The following C7orf25 variants were observed in gnomAD, a reference collection of about 807,000 sequenced individuals.
C7orf25 encodes chromosome 7 open reading frame 25, also known as UPF0415 protein C7orf25.
A neutral mutation model predicts 25.5 loss-of-function variants in C7orf25; 14 were observed. The observed-to-expected ratio is 0.55, with a 90% CI of 0.36 to 0.86. C7orf25 has a LOEUF of 0.86. C7orf25 is among the 40% of genes least tolerant of loss of function. C7orf25 has a pLI of 0.01. For synonymous variants in C7orf25, 184 were observed against 179.9 expected (o/e 1.02, Z -0.18); for missense variants, 405 against 493.9 (o/e 0.82, Z 1.71).
intron 1 of C7orf25, chr7:42,911,420 C>T (rs1785891997): frequency 9.9e-7 from 1 of 1,012,824 alleles, no homozygotes; most frequent in Admixed American, 5.3e-5. Context: ...GAGTTGGTCT[C>T]CTTCAACCGG....
At chr7:42,911,071 C>T (rs1785883544) in intron 1 of C7orf25, 150 bp from the exon 2 acceptor site, 1 of 1,268,426 alleles carries the variant, frequency 7.9e-7, no homozygotes, top group Non-Finnish European at 1.1e-6. Flanking sequence ...TCTGGAGTGA[C>T]TGCTTCCTCT....
intron 1 of C7orf25, chr7:42,911,702 GCCCT>G: frequency 8.6e-7 from 1 of 1,168,882 alleles, no homozygotes; most frequent in Non-Finnish European, 1.1e-6. Flanking sequence ...GGGCTGCGGG[GCCCT>G]CGGCCCTGCC....
In C7orf25 at chr7:42,909,511, T is replaced by C; in HGVS notation, c.*124A>G. 1 of 1,000,552 alleles carries C rather than the reference T, an allele frequency of 1.0e-6. No homozygotes were observed. The highest frequency in any genetic ancestry group is 1.4e-6 in the Non-Finnish European group (1 of 692,746). 62.0% of individuals were successfully genotyped at this position (1,000,552 alleles called of 1,614,324 possible). A position where few individuals can be genotyped will look rare whatever the true frequency, so the allele number is the denominator to read the frequency against. ...TACTTTAGATGAGAGACAAAGAAAC[T>C]CTACTGGTTTAAGAGTTCTCAGTTT... On this transcript the variant is annotated 3_prime_UTR_variant, in exon 2 of 2. Coordinates refer to ENST00000350427, the MANE Select transcript of C7orf25 (RefSeq NM_001099858.2).
rs1386072873 is a variant in C7orf25 at position 42,910,202 on chromosome 7, A to G, written c.699T>C (p.Ser233=). The G allele has an allele frequency of 6.2e-7, 1 of 1,614,220 alleles. No individual in the cohort carries two copies. Among genetic ancestry groups the G allele is most frequent in the Non-Finnish European group, 8.5e-7 (1 of 1,180,040 alleles). The change falls in exon 2 of 2, where the codon AGT becomes AGC. Residue 233 remains serine, a synonymous_variant. Transcript: ENST00000350427. ...CCTTAATTTCTGTTGGAAACGCAAC[A>G]CTTGCTAGTATATTTTCTCGGTCAA... The part of the protein sequence containing the change: ...TRVDRENILA[S]VAFPTEIKVD...
In C7orf25 at chr7:42,909,728, A is replaced by G; in HGVS notation, c.1173T>C (p.Ser391=). ...GTGCTCTGGGCTGATGGATAAACAC[A>G]CTAAATTTAACACCCTGGTTGTTTG... ...RAANNQGVKF[S]VFIHQPRALT... Residue 391 remains serine, a synonymous_variant, in exon 2 of 2, where the codon AGT becomes AGC. Coordinates refer to ENST00000350427, the MANE Select transcript of C7orf25 (RefSeq NM_001099858.2). 1 of 1,614,190 alleles carries G rather than the reference A, an allele frequency of 6.2e-7. No homozygotes were observed. Among genetic ancestry groups the G allele is most frequent in the Non-Finnish European group, 8.5e-7 (1 of 1,180,044 alleles).
rs1296432162 is a variant in C7orf25, at chr7:42,910,307, CAG to C, written c.592_593del (p.Leu198ValfsTer5). ...VRGDIVAVNA[L>X]LDHPEELQPS... Reference sequence around the variant, plus strand: ...GTTGAAGCTCTTCAGGGTGATCTAACAGAGCGTTGACTGCTACTATGTCTCCT... The same window carrying C: ...GTTGAAGCTCTTCAGGGTGATCTAACAGCGTTGACTGCTACTATGTCTCCT... On this transcript the variant is annotated frameshift_variant, in exon 2 of 2. Transcript: ENST00000350427. LOFTEE classifies it high-confidence loss of function. 2 of 1,614,216 alleles carry C rather than the reference CAG, an allele frequency of 1.2e-6. No homozygotes were observed. The highest frequency in any genetic ancestry group is 8.5e-7 in the Non-Finnish European group (1 of 1,180,050).
chr7:42,909,444 A>G lies in C7orf25; in HGVS notation c.*191T>C, dbSNP rs1350935319. 1.2e-5 allele frequency: 7 copies of G among 594,452 alleles called. No homozygotes were observed. The South Asian group carries it at 1.6e-4, about 13-fold the overall frequency. 36.8% of individuals were successfully genotyped at this position (594,452 alleles called of 1,614,324 possible). ...TGCACTAATGCAGACAGTTTGATAG[A>G]TAAGCTTCTCTCTTGTGCTTTTTCT... On this transcript the variant is annotated 3_prime_UTR_variant, in exon 2 of 2. Coordinates refer to ENST00000350427, the MANE Select transcript of C7orf25 (RefSeq NM_001099858.2).
Position 42,911,915 on chromosome 7 carries a change from C to T in C7orf25, c.-22G>A, listed in dbSNP as rs1326656271. ...CCCGCCTCGCTCCCCGGCTCCTCAC[C>T]GGCAGCGCCAGAACCGCGAGCGCGA... is the stretch of plus-strand genomic sequence containing the variant. On this transcript the variant is annotated splice_region_variant and 5_prime_UTR_variant, in exon 1 of 2. Transcript: ENST00000350427. 2 of 1,469,914 alleles carry T rather than the reference C, an allele frequency of 1.4e-6. No individual in the cohort carries two copies. The highest frequency in any genetic ancestry group is 3.0e-5 in the East Asian group (1 of 33,612). 91.1% of individuals were successfully genotyped at this position (1,469,914 alleles called of 1,614,324 possible).
intron 1 of C7orf25, chr7:42,911,305 G>A (rs1293400532): frequency 6.5e-5 from 68 of 1,041,654 alleles, no homozygotes; most frequent in Non-Finnish European, 7.8e-5. Context: ...CGACAAAAAT[G>A]CCGAAAACAA....
At chr7:42,911,878 G>A (rs1785914412) in intron 1 of C7orf25, 37 bp downstream of exon 1, 3 of 1,405,488 alleles carry the variant, frequency 2.1e-6, no homozygotes, top group Non-Finnish European at 2.8e-6. Flanking sequence ...GAGGCGCCCC[G>A]CTCCCAGCCT....
Position 42,912,041 on chromosome 7 carries a change from C to G in C7orf25, c.-148G>C, listed in dbSNP as rs1214430700. On this transcript the variant is annotated 5_prime_UTR_variant, in exon 1 of 2. Coordinates refer to ENST00000350427, the MANE Select transcript of C7orf25 (RefSeq NM_001099858.2). Reference sequence around the variant, plus strand: ...GCCGAGGCGGCTCCACCCGCGCGAGCCCCGCCGCCTCGGGCACCTCCTGCA... The same window carrying G: ...GCCGAGGCGGCTCCACCCGCGCGAGGCCCGCCGCCTCGGGCACCTCCTGCA... 6.8e-7 allele frequency: 1 copy of G among 1,466,936 alleles called. No individual in the cohort carries two copies. Among genetic ancestry groups the G allele is most frequent in the Non-Finnish European group, 8.9e-7 (1 of 1,117,498 alleles). 90.9% of individuals were successfully genotyped at this position (1,466,936 alleles called of 1,614,324 possible). A position where few individuals can be genotyped will look rare whatever the true frequency, so the allele number is the denominator to read the frequency against.
At position 42,909,557 on chromosome 7, in the gene C7orf25, T is replaced by C. The variant is rs974817637; in HGVS notation, c.*78A>G. 12 of 1,471,614 alleles carry C rather than the reference T, an allele frequency of 8.2e-6. No individual in the cohort carries two copies. The highest frequency in any genetic ancestry group is 1.4e-5 in the African/African-American group (1 of 70,638). 91.2% of individuals were successfully genotyped at this position (1,471,614 alleles called of 1,614,324 possible). A position where few individuals can be genotyped will look rare whatever the true frequency, so the allele number is the denominator to read the frequency against. ...AGTTTTACTTTTACTATAGACCTTT[T>C]TTCCCACCAGTTTAGATGGGAAGAC... On this transcript the variant is annotated 3_prime_UTR_variant, in exon 2 of 2. Transcript: ENST00000350427.
rs35843660 is a variant in C7orf25, at chr7:42,910,301, A to G, written c.600T>C (p.Asp200=). 1.2e-4 allele frequency: 189 copies of G among 1,614,166 alleles called. No individual in the cohort carries two copies. In the African/African-American group the frequency reaches 2.2e-3, roughly 19 times the overall value. Residue 200 remains aspartate (D), a synonymous_variant, in exon 2 of 2, where the codon GAT becomes GAC. Coordinates refer to ENST00000350427, the MANE Select transcript of C7orf25 (RefSeq NM_001099858.2). ...GDIVAVNALL[D]HPEELQPSES... The stretch of plus-strand genomic sequence containing the variant: ...CACTTGGTTGAAGCTCTTCAGGGTG[A>G]TCTAACAGAGCGTTGACTGCTACTA...
Position 42,909,647 on chromosome 7 carries a change from G to A in C7orf25, c.1254C>T (p.Asp418=). 1.2e-6 allele frequency: 2 copies of A among 1,610,784 alleles called. No individual in the cohort carries two copies. The highest frequency in any genetic ancestry group is 1.7e-6 in the Non-Finnish European group (2 of 1,178,822). The change falls in exon 2 of 2, where the codon GAC becomes GAT. Residue 418 remains aspartate (D), a synonymous_variant. Transcript: ENST00000350427. ...TTAAAGGGTATCTTTAGTGTTCACTGTCAGTTGTGTAGTCTTTTGGTAAGG... is the reference window on the plus strand; with the variant it reads ...TTAAAGGGTATCTTTAGTGTTCACTATCAGTTGTGTAGTCTTTTGGTAAGG... ...ATPLPKDYTT[D]SEH
At position 42,912,006 on chromosome 7, in the gene C7orf25, C is replaced by G; in HGVS notation, c.-113G>C. 6.7e-7 allele frequency: 1 copy of G among 1,487,902 alleles called. No individual in the cohort carries two copies. The highest frequency in any genetic ancestry group is 8.9e-7 in the Non-Finnish European group (1 of 1,126,576). 92.2% of individuals were successfully genotyped at this position (1,487,902 alleles called of 1,614,324 possible). A position where few individuals can be genotyped will look rare whatever the true frequency, so the allele number is the denominator to read the frequency against. On this transcript the variant is annotated 5_prime_UTR_variant, in exon 1 of 2. Transcript: ENST00000350427. ...AAATCTCAACCGGGCAGCCCCCACC[C>G]CGCTCGAACGCCGAGGCGGCTCCAC...
rs188672671 is a variant in C7orf25 at position 42,909,288 on chromosome 7, A to G, written c.*347T>C. On this transcript the variant is annotated 3_prime_UTR_variant, in exon 2 of 2. Transcript: ENST00000350427. ...AAAAACAGGCTTGAATTTTCTCCAG[A>G]TATTTAATGCAAGATGCAATGTAGC... is the stretch of plus-strand genomic sequence containing the variant. 21 of 198,568 alleles carry G rather than the reference A, an allele frequency of 1.1e-4. No homozygotes were observed. The highest frequency in any genetic ancestry group is 8.6e-4 in the East Asian group (7 of 8,124). The allele number at this position is 198,568 out of a possible 1,614,324, so 12.3% of individuals were successfully genotyped here.
rs749639275 is a variant in C7orf25 at position 42,910,887 on chromosome 7, G to A, written c.14C>T (p.Ser5Phe). The A allele has an allele frequency of 1.2e-6, 2 of 1,613,630 alleles. No homozygotes were observed. The highest frequency in any genetic ancestry group is 2.7e-5 in the African/African-American group (2 of 74,914). The change falls in exon 2 of 2, where the codon TCC becomes TTC. Residue 5 changes from serine to phenylalanine, a missense_variant. Physicochemically the swap from Ser to Phe is radical, Grantham distance 155. Transcript: ENST00000350427. Reference protein sequence around the residue: MSAHSMLCERIAIAK... With the variant: MSAHFMLCERIAIAK... ...TATGGCGATTCGTTCACAGAGCATG[G>A]AATGTGCAGACATGCTGTCAGCATT...
chr7:42,912,019 G>A lies in C7orf25; in HGVS notation c.-126C>T, dbSNP rs749070124. ...GCAGCCCCCACCCCGCTCGAACGCCGAGGCGGCTCCACCCGCGCGAGCCCC... is the reference window on the plus strand; with the variant it reads ...GCAGCCCCCACCCCGCTCGAACGCCAAGGCGGCTCCACCCGCGCGAGCCCC... On this transcript the variant is annotated 5_prime_UTR_variant, in exon 1 of 2. Coordinates refer to ENST00000350427, the MANE Select transcript of C7orf25 (RefSeq NM_001099858.2). 7 of 1,483,134 alleles carry A rather than the reference G, an allele frequency of 4.7e-6. No individual in the cohort carries two copies. The South Asian group carries it at 6.3e-5, about 13-fold the overall frequency. 91.9% of individuals were successfully genotyped at this position (1,483,134 alleles called of 1,614,324 possible). A position where few individuals can be genotyped will look rare whatever the true frequency, so the allele number is the denominator to read the frequency against.
At chr7:42,911,161 T>A in intron 1 of C7orf25, 1 of 776,042 alleles carries the variant, frequency 1.3e-6, no homozygotes, top group Non-Finnish European at 2.1e-6. Context: ...CTTCATTTCT[T>A]CAGCTTGAAA....
Sources: allele counts gnomAD v4.1 joint callset, GRCh38; gene constraint gnomAD v4.1.1; transcripts MANE v1.5; gene names NCBI Gene and HGNC (gene_info 2026-07-23, HGNC 2026-07-21).